Variants in GSDMC observed in about 807,000 individuals in gnomAD.
GSDMC encodes gasdermin-C.
GSDMC carries 59 observed loss-of-function variants against 58.0 expected under a neutral mutation model. The observed-to-expected ratio is 1.02, with a 90% confidence interval of 0.82 to 1.26. GSDMC has a LOEUF of 1.26. Ranked by LOEUF, GSDMC falls within the 50% of genes most tolerant of loss-of-function variation. The pLI is 0.00. For missense variants in GSDMC, 659 were observed against 598.5 expected (o/e 1.10, Z -1.06); for synonymous variants, 241 against 220.2 (o/e 1.09, Z -0.83).
At chr8:129,755,322 A>G (rs2033384041) in intron 6 of GSDMC, among the ~76,000 whole-genome samples, 1 of 152,190 alleles carries the variant, frequency 6.6e-6, no homozygotes, top group East Asian at 1.9e-4. Flanking sequence ...ACATATTTAA[A>G]TTGCTGAAGA....
chr8:129,754,867 A>G (rs142013771), intron 6 of GSDMC, among the ~76,000 whole-genome samples: 3 of 152,336 alleles, frequency 2.0e-5, no homozygotes, highest in Non-Finnish European at 4.4e-5. Flanking sequence ...ATCAAGCATA[A>G]GGAAGTATTA....
chr8:129,742,797 G>GT, the GSDMC span, among the ~76,000 whole-genome samples: 1 of 152,094 alleles, frequency 6.6e-6, no homozygotes, highest in African/African-American at 2.4e-5. Flanking sequence ...TATTTTGTGG[G>GT]TTTTTTAGTT....
At chr8:129,759,483 C>A (rs895482495) in intron 6 of GSDMC, among the ~76,000 whole-genome samples, 2 of 152,038 alleles carry the variant, frequency 1.3e-5, no homozygotes, top group African/African-American at 4.8e-5. Context: ...GGATTAATAA[C>A]CAGAATATTT....
At chr8:129,729,112 C>A in the GSDMC span, 2 of 644,282 alleles carry the variant, frequency 3.1e-6, no homozygotes, top group Non-Finnish European at 6.0e-6. Flanking sequence ...ATGATCTGAT[C>A]CTGCAAGTAA....
the GSDMC span, among the ~76,000 whole-genome samples, chr8:129,742,055 G>T: frequency 6.6e-6 from 1 of 151,544 alleles, no homozygotes; most frequent in Non-Finnish European, 1.5e-5. Flanking sequence ...GAAAAATACT[G>T]CATAATCTCA....
At chr8:129,776,424 T>C (rs2034229096) in intron 2 of GSDMC, 139 bp from the exon 3 acceptor site, 1 of 585,700 alleles carries the variant, frequency 1.7e-6, no homozygotes, top group Non-Finnish European at 3.0e-6. Flanking sequence ...TTAAACTCTG[T>C]TGAAAACTAA....
intron 7 of GSDMC, 113 bp from the exon 8 acceptor site, chr8:129,752,260 T>G: frequency 1.2e-6 from 1 of 807,014 alleles, no homozygotes; most frequent in Admixed American, 2.1e-5. Flanking sequence ...CTCCCCTTAT[T>G]TCTCACATGT....
the GSDMC span, among the ~76,000 whole-genome samples, chr8:129,738,130 C>A: frequency 6.6e-6 from 1 of 152,144 alleles, no homozygotes; most frequent in Admixed American, 6.5e-5. Flanking sequence ...CCATCTCACA[C>A]CAGTTAGAAT....
chr8:129,708,891 C>T, the GSDMC span, among the ~76,000 whole-genome samples: 4 of 152,394 alleles, frequency 2.6e-5, no homozygotes, highest in South Asian at 8.3e-4. Flanking sequence ...GCCCATGCCA[C>T]CTACTGGCTG....
In GSDMC at chr8:129,762,637, A is replaced by G; in HGVS notation, c.665T>C (p.Ile222Thr). The part of the protein sequence containing the change: ...VMAYKRKQLV[I>T]KEKAILISDD... ...TCCGCTGCTCCCACCTTTCTCCTTGATAACCAGCTGCTTTCTCTTATAAGC... is the reference window on the plus strand; with the variant it reads ...TCCGCTGCTCCCACCTTTCTCCTTGGTAACCAGCTGCTTTCTCTTATAAGC... Residue 222 changes from isoleucine to threonine, a missense_variant, in exon 5 of 14, where the codon ATC becomes ACC. By Grantham distance (89) the Ile-to-Thr change is moderately conservative (BLOSUM62 -1). Transcript: ENST00000276708. 1 of 1,610,186 alleles carries G rather than the reference A, an allele frequency of 6.2e-7. No homozygotes were observed. The highest frequency in any genetic ancestry group is 8.5e-7 in the Non-Finnish European group (1 of 1,176,424).
At position 129,748,628 on chromosome 8, in the gene GSDMC, A is replaced by G. The variant is rs1399955907; in HGVS notation, c.1400T>C (p.Leu467Pro). The G allele has an allele frequency of 1.9e-6, 3 of 1,612,768 alleles. No homozygotes were observed. Among genetic ancestry groups the G allele is most frequent in the Non-Finnish European group, 2.5e-6 (3 of 1,179,454 alleles). The change falls in exon 14 of 14, where the codon CTG (leucine) becomes CCG (proline). Residue 467 changes from leucine to proline, a missense_variant. Transcript: ENST00000276708. ...QSEGLAITYG[L>P]LEECGLRMEL... Reference sequence around the variant, plus strand: ...CATCCTAAGGCCACACTCCTCCAGCAGGCCATAGGTGATGGCCAAACCCTC... The same window carrying G: ...CATCCTAAGGCCACACTCCTCCAGCGGGCCATAGGTGATGGCCAAACCCTC...
At chr8:129,752,051 G>C in intron 8 of GSDMC, 55 bp downstream of exon 8, 15 of 1,532,602 alleles carry the variant, frequency 9.8e-6, no homozygotes, top group Non-Finnish European at 1.4e-5. Flanking sequence ...AAGGCAATCA[G>C]GTGGTTTTTT....
At position 129,776,237 on chromosome 8, in the gene GSDMC, T is replaced by C; in HGVS notation, c.269A>G (p.Lys90Arg). ...ATTCACACCCATGTCAGCCTTATGCTTCTGGATCATAATGTCACTGAAGTG... is the reference window on the plus strand; with the variant it reads ...ATTCACACCCATGTCAGCCTTATGCCTCTGGATCATAATGTCACTGAAGTG... ...PFHFSDIMIQ[K>R]HKADMGVNVG... The change falls in exon 3 of 14, where the codon AAG becomes AGG. Residue 90 changes from lysine (K) to arginine (R), a missense_variant. By Grantham distance (26) the Lys-to-Arg change is conservative. Transcript: ENST00000276708. 3 of 1,613,754 alleles carry C rather than the reference T, an allele frequency of 1.9e-6. No homozygotes were observed. The highest frequency in any genetic ancestry group is 2.5e-6 in the Non-Finnish European group (3 of 1,179,798).
chr8:129,749,600 C>T (rs1448572315), intron 12 of GSDMC, 75 bp from the exon 13 acceptor site: 10 of 1,073,504 alleles, frequency 9.3e-6, no homozygotes, highest in Non-Finnish European at 1.2e-5. Context: ...AAGCAGGAGA[C>T]CCCCTGAGAG....
the GSDMC span, among the ~76,000 whole-genome samples, chr8:129,742,338 C>T: frequency 1.3e-5 from 2 of 151,966 alleles, no homozygotes; most frequent in Non-Finnish European, 2.9e-5. Context: ...GGAATCATCC[C>T]CTATTGTATA....
chr8:129,778,497 T>C (rs1348487710), intron 1 of GSDMC, among the ~76,000 whole-genome samples: 1 of 152,022 alleles, frequency 6.6e-6, no homozygotes, highest in African/African-American at 2.4e-5. Flanking sequence ...CCCGAAACTA[T>C]AAAAATAAAA....
chr8:129,747,256 C>CA (rs35323267), downstream of GSDMC, among the ~76,000 whole-genome samples: 111 of 134,544 alleles, frequency 8.3e-4, 1 homozygote, highest in Non-Finnish European at 1.1e-3. Context: ...GACTCTGTCT[C>CA]AAAAAAAAAA....
At chr8:129,779,607 A>C (rs1303058957) in intron 1 of GSDMC, among the ~76,000 whole-genome samples, 1 of 152,024 alleles carries the variant, frequency 6.6e-6, no homozygotes, top group Non-Finnish European at 1.5e-5. Context: ...CCCTGAACTT[A>C]AAATAAAAGT....
At chr8:129,730,240 T>A in the GSDMC span, 1 of 1,324,040 alleles carries the variant, frequency 7.6e-7, no homozygotes, top group East Asian at 2.4e-5. Flanking sequence ...GCTAGAAAAA[T>A]TCAGATTGGA....
Sources: allele counts gnomAD v4.1 joint callset (sites outside exome capture counted in the v4.1 genomes callset), GRCh38; gene constraint gnomAD v4.1.1; transcripts MANE v1.5; gene names NCBI Gene and HGNC (gene_info 2026-07-23, HGNC 2026-07-21).